The following AHI1 variants were observed in gnomAD, a reference collection of about 807,000 sequenced individuals.
The protein encoded by AHI1 is jouberin.
Under a neutral mutation model 149.3 loss-of-function variants are expected in AHI1, and 123 were observed. The ratio of observed to expected loss-of-function variants is 0.82; its 90% CI spans 0.71 to 0.96. The LOEUF (loss-of-function observed/expected upper bound fraction) is 0.96. Among genes scored for constraint, AHI1 ranks in the 40% least tolerant of loss-of-function variants. AHI1 has a pLI of 0.00. For synonymous variants in AHI1, 475 were observed against 459.8 expected (o/e 1.03, Z -0.42); for missense variants, 1,439 against 1,422.7 (o/e 1.01, Z -0.18).
At chr6:135,333,405 C>A (rs2128400700) in intron 24 of AHI1, among the ~76,000 whole-genome samples, 1 of 152,218 alleles carries the variant, frequency 6.6e-6, no homozygotes, top group Non-Finnish European at 1.5e-5. Flanking sequence ...CTATTTCTAG[C>A]ATCATGTGGT....
At chr6:135,374,087 T>C (rs1228264878) in intron 23 of AHI1, among the ~76,000 whole-genome samples, 1 of 35,944 alleles carries the variant, frequency 2.8e-5, no homozygotes, top group African/African-American at 1.2e-4. Context: ...TATACATATA[T>C]ATATATATAT....
chr6:135,424,949 T>C (rs1308135272), intron 20 of AHI1, among the ~76,000 whole-genome samples: 2 of 151,910 alleles, frequency 1.3e-5, no homozygotes, highest in African/African-American at 2.4e-5. Flanking sequence ...AATATTCCTG[T>C]ATTAAAAAAT....
chr6:135,349,595 T>G (rs1791768129), intron 24 of AHI1, among the ~76,000 whole-genome samples: 1 of 152,154 alleles, frequency 6.6e-6, no homozygotes, highest in African/African-American at 2.4e-5. Flanking sequence ...GCATGAAGTT[T>G]TCAACAAAAA....
chr6:135,409,311 A>G (rs1048041019), intron 21 of AHI1, among the ~76,000 whole-genome samples: 3 of 152,144 alleles, frequency 2.0e-5, no homozygotes, highest in African/African-American at 4.8e-5. Context: ...TTCTATGTCA[A>G]TAATCTATTA....
chr6:135,394,675 C>A (rs184606847), intron 23 of AHI1, 101 bp downstream of exon 23: 1 of 1,481,672 alleles, frequency 6.7e-7, no homozygotes, highest in Admixed American at 2.0e-5. Context: ...GTGTAAAAAC[C>A]GACCATTATG....
chr6:135,360,680 T>C (rs2128440502), intron 23 of AHI1, among the ~76,000 whole-genome samples: 1 of 152,380 alleles, frequency 6.6e-6, no homozygotes, highest in South Asian at 2.1e-4. Context: ...GCTTATACTC[T>C]AAATTATAAA....
chr6:135,411,358 T>A lies in AHI1; in HGVS notation c.2951A>T (p.Glu984Val), dbSNP rs780642756. The A allele has an allele frequency of 3.1e-6, 5 of 1,612,184 alleles. No homozygotes were observed. In the Admixed American group the frequency reaches 8.3e-5, roughly 27 times the overall value. ...TKMQLVKQRLETVTEVIRSCA... is the reference protein window; with the variant it reads ...TKMQLVKQRLVTVTEVIRSCA... ...ATAAAATAAACTTACTGTGACAGTT[T>A]CAAGCCTCTGTTTTACTAGCTGCAT... Residue 984 changes from glutamate to valine, a missense_variant, in exon 21 of 29, where the codon GAA (glutamate) becomes GTA (valine). By Grantham distance (121) the Glu-to-Val change is moderately radical. Coordinates refer to ENST00000265602, the MANE Select transcript of AHI1 (RefSeq NM_001134831.2).
chr6:135,491,599 T>C (rs1159964076), intron 4 of AHI1, among the ~76,000 whole-genome samples: 1 of 152,234 alleles, frequency 6.6e-6, no homozygotes, highest in East Asian at 1.9e-4. Flanking sequence ...TATATCTATA[T>C]AAAGAAACAT....
intron 20 of AHI1, among the ~76,000 whole-genome samples, chr6:135,415,618 C>T (rs1220093637): frequency 6.6e-6 from 1 of 152,180 alleles, no homozygotes; most frequent in Non-Finnish European, 1.5e-5. Context: ...AGAAGTCAAA[C>T]ATACATCTGC....
intron 23 of AHI1, among the ~76,000 whole-genome samples, chr6:135,364,091 C>G (rs1398100065): frequency 1.3e-5 from 2 of 151,118 alleles, no homozygotes; most frequent in South Asian, 2.1e-4. Flanking sequence ...ACCTCCCTCC[C>G]GGACGAGGTG....
intron 24 of AHI1, among the ~76,000 whole-genome samples, chr6:135,336,168 A>T (rs1192420717): frequency 1.3e-5 from 2 of 151,966 alleles, no homozygotes; most frequent in Non-Finnish European, 2.9e-5. Flanking sequence ...CATACACTAC[A>T]TAATAACATT....
intron 23 of AHI1, among the ~76,000 whole-genome samples, chr6:135,379,776 T>C (rs926961371): frequency 6.6e-6 from 1 of 152,304 alleles, no homozygotes; most frequent in Non-Finnish European, 1.5e-5. Flanking sequence ...CTGACCTCTT[T>C]GCTGTTCAAA....
At chr6:135,287,274 A>C (rs1484848301) in intron 28 of AHI1, among the ~76,000 whole-genome samples, 3 of 152,212 alleles carry the variant, frequency 2.0e-5, no homozygotes, top group African/African-American at 7.2e-5. Context: ...CTTCAGGAGA[A>C]GAACCCAAAG....
chr6:135,300,619 T>A lies in AHI1; in HGVS notation c.3427-61A>T, dbSNP rs1211195835. On this transcript the variant is annotated intron_variant, in intron 26 of 28. Transcript: ENST00000265602. ...AAATGAGAAAAGACAACACAGTCAA[T>A]ATTCACATGCTGAAAACCCACCAAC... 3.9e-6 allele frequency: 6 copies of A among 1,554,494 alleles called. No homozygotes were observed. The Admixed American group carries it at 1.2e-4, about 30-fold the overall frequency.
At chr6:135,459,086 A>G (rs1379123910) in intron 8 of AHI1, among the ~76,000 whole-genome samples, 1 of 152,192 alleles carries the variant, frequency 6.6e-6, no homozygotes, top group East Asian at 1.9e-4. Flanking sequence ...TAGAAATTGC[A>G]TTCTTTTCAA....
chr6:135,486,611 AAC>A (rs1794515256), intron 5 of AHI1, among the ~76,000 whole-genome samples: 1 of 152,126 alleles, frequency 6.6e-6, no homozygotes, highest in South Asian at 2.1e-4. Flanking sequence ...TTTTGTTCTC[AAC>A]ACACATTCAT....
At chr6:135,431,513 C>T (rs544251822) in intron 16 of AHI1, among the ~76,000 whole-genome samples, 199 bp from the exon 17 acceptor site, 1 of 152,176 alleles carries the variant, frequency 6.6e-6, no homozygotes, top group South Asian at 2.1e-4. Context: ...GAATTCTTTA[C>T]TCTTTTAAAT....
intron 21 of AHI1, among the ~76,000 whole-genome samples, chr6:135,407,706 T>C (rs1326860402): frequency 6.6e-6 from 1 of 152,130 alleles, no homozygotes; most frequent in Non-Finnish European, 1.5e-5. Flanking sequence ...TTGCGTTTGA[T>C]TTCATTTCTT....
intron 13 of AHI1, among the ~76,000 whole-genome samples, chr6:135,446,547 A>G (rs1471071384): frequency 6.6e-6 from 1 of 152,212 alleles, no homozygotes; most frequent in East Asian, 1.9e-4. Flanking sequence ...TGAGAAGCTC[A>G]TGAATCAGAT....
Sources: gnomAD v4.1 joint callset for allele counts (sites outside exome capture counted in the v4.1 genomes callset) on GRCh38, gnomAD v4.1.1 for gene constraint, MANE v1.5 for transcripts, NCBI Gene and HGNC (gene_info 2026-07-23, HGNC 2026-07-21) for gene names.